Variants in RYR2 observed in about 807,000 individuals in gnomAD.
RYR2 encodes the protein ryanodine receptor 2.
RYR2 carries 227 observed loss-of-function variants against 601.1 expected under a neutral mutation model. The observed-to-expected ratio is 0.38, with a 90% CI of 0.34 to 0.42. The LOEUF is 0.42. Among genes scored for constraint, RYR2 ranks in the 10% least tolerant of loss-of-function variants. The pLI is 1.00. For synonymous variants in RYR2, 2,223 were observed against 2,175.1 expected, an observed-to-expected ratio of 1.02 and a Z score of -0.61; for missense variants, 4,646 against 6,156.5, an observed-to-expected ratio of 0.75 and a Z score of 8.21.
chr1:237,566,974 A>ACATTGCTT (rs1486292063), intron 28 of RYR2, among the ~76,000 whole-genome samples, 199 bp downstream of exon 28: 4 of 152,198 alleles, frequency 2.6e-5, no homozygotes, highest in Non-Finnish European at 5.9e-5. Flanking sequence ...ACCAAGTAAG[A>ACATTGCTT]CATTGCTTTT....
At chr1:237,240,958 TCA>T (rs1686100342) in intron 1 of RYR2, among the ~76,000 whole-genome samples, 1 of 152,218 alleles carries the variant, frequency 6.6e-6, no homozygotes, top group African/African-American at 2.4e-5. Flanking sequence ...CAAAGAACAT[TCA>T]CAGGTAACAT....
At chr1:237,686,965 A>G (rs1686447780) in intron 62 of RYR2, among the ~76,000 whole-genome samples, 1 of 152,214 alleles carries the variant, frequency 6.6e-6, no homozygotes, top group African/African-American at 2.4e-5. Flanking sequence ...GAGATTTCAA[A>G]TAATAAAACA....
intron 16 of RYR2, among the ~76,000 whole-genome samples, chr1:237,460,439 T>G (rs1659347810): frequency 6.6e-6 from 1 of 152,180 alleles, no homozygotes; most frequent in Non-Finnish European, 1.5e-5. Context: ...ATGAATGTTA[T>G]AGAGGATGGT....
chr1:237,579,507 G>A (rs1209006914), intron 29 of RYR2, among the ~76,000 whole-genome samples: 4 of 151,816 alleles, frequency 2.6e-5, no homozygotes, highest in East Asian at 1.9e-4. Context: ...CACCTGCCTC[G>A]GCCTCCCAAA....
intron 16 of RYR2, among the ~76,000 whole-genome samples, chr1:237,466,233 A>G (rs1660074299): frequency 6.6e-6 from 1 of 152,144 alleles, no homozygotes; most frequent in South Asian, 2.1e-4. Context: ...TGGTGATATC[A>G]TGGCTCATGG....
At chr1:237,182,615 G>A (rs574905167) in intron 1 of RYR2, among the ~76,000 whole-genome samples, 1 of 152,216 alleles carries the variant, frequency 6.6e-6, no homozygotes, top group Admixed American at 6.5e-5. Context: ...ACTATATATT[G>A]TCTTTGGTGA....
At chr1:237,127,390 C>T (rs1336766328) in intron 1 of RYR2, among the ~76,000 whole-genome samples, 16 of 150,690 alleles carry the variant, frequency 1.1e-4, no homozygotes, top group Middle Eastern at 3.5e-3. Context: ...ACCTCCCGGA[C>T]GGGGCGGCTG....
At chr1:237,160,848 A>C (rs1307332109) in intron 1 of RYR2, among the ~76,000 whole-genome samples, 1 of 152,128 alleles carries the variant, frequency 6.6e-6, no homozygotes, top group East Asian at 1.9e-4. Context: ...CTTCACTCTA[A>C]ATCATTATAA....
chr1:237,696,585 G>A (rs933071263), intron 63 of RYR2, among the ~76,000 whole-genome samples: 14 of 142,880 alleles, frequency 9.8e-5, no homozygotes, highest in Non-Finnish European at 1.8e-4. Flanking sequence ...ATCTTTACCC[G>A]AATTACTAAT....
chr1:237,186,859 G>A (rs1200939015), intron 1 of RYR2, among the ~76,000 whole-genome samples: 1 of 152,246 alleles, frequency 6.6e-6, no homozygotes, highest in Non-Finnish European at 1.5e-5. Context: ...TCAAATAGCT[G>A]CAGAGCTGAT....
chr1:237,565,159 CTTTCTTTCTTTCTTTCTT>C (rs1559035462), intron 27 of RYR2, among the ~76,000 whole-genome samples: 1 of 46,494 alleles, frequency 2.2e-5, no homozygotes, highest in Non-Finnish European at 4.3e-5. Context: ...CTTTCTTTCT[CTTTCTTTCTTTCTTTCTT>C]TCTTTCTTTC....
At chr1:237,671,792 A>C (rs1684969654) in intron 58 of RYR2, among the ~76,000 whole-genome samples, 1 of 152,024 alleles carries the variant, frequency 6.6e-6, no homozygotes, top group Non-Finnish European at 1.5e-5. Context: ...GAGTTAATAG[A>C]AATAAAGGAG....
intron 1 of RYR2, among the ~76,000 whole-genome samples, chr1:237,230,086 T>C (rs1042405287): frequency 3.3e-5 from 5 of 152,204 alleles, no homozygotes; most frequent in African/African-American, 1.2e-4. Context: ...GTGGAAATAG[T>C]ACGTTACCCT....
intron 25 of RYR2, among the ~76,000 whole-genome samples, chr1:237,536,844 C>CCACTG (rs1398136022): frequency 2.6e-5 from 4 of 151,672 alleles, no homozygotes; most frequent in African/African-American, 4.9e-5. Flanking sequence ...CGAGATCGCG[C>CCACTG]CACTGCACTC....
rs942672158 is a variant in RYR2, at chr1:237,833,612, C to T, written c.*965C>T. ...AAGTGTCGTGGGCTTAATTGTATAT[C>T]TGGAGCCAGTGTCATCCACCAACAA... On this transcript the variant is annotated 3_prime_UTR_variant, in exon 105 of 105. Transcript: ENST00000366574. The T allele has an allele frequency of 3.3e-5, 5 of 152,566 alleles. No individual in the cohort carries two copies. Among genetic ancestry groups the T allele is most frequent in the Non-Finnish European group, 5.9e-5 (4 of 68,032 alleles). 9.5% of individuals were successfully genotyped at this position (152,566 alleles called of 1,614,324 possible).
chr1:237,707,672 G>A (rs952127813), intron 68 of RYR2, among the ~76,000 whole-genome samples: 2 of 152,188 alleles, frequency 1.3e-5, no homozygotes, highest in Admixed American at 6.5e-5. Flanking sequence ...TGCATTATTT[G>A]TATTGAAAAG....
At chr1:237,398,085 A>G (rs959632957) in intron 10 of RYR2, among the ~76,000 whole-genome samples, 2 of 152,052 alleles carry the variant, frequency 1.3e-5, no homozygotes, top group Admixed American at 6.6e-5. Flanking sequence ...CTATTTTAAC[A>G]TGAATGCCGG....
chr1:237,449,458 T>C (rs889472357), intron 14 of RYR2, among the ~76,000 whole-genome samples: 2 of 152,196 alleles, frequency 1.3e-5, no homozygotes, highest in Admixed American at 6.5e-5. Flanking sequence ...CATTTATAGA[T>C]GTTATTAATT....
In RYR2 at chr1:237,264,091, G is replaced by GCGCA. The variant is rs1553370915; in HGVS notation, c.49-6405_49-6404insGCAC. 3.4e-5 allele frequency among the ~76,000 whole-genome samples: 5 copies of GCGCA among 147,512 alleles called. No homozygotes were observed. In the South Asian group the frequency reaches 1.1e-3, roughly 32 times the overall value. Reference sequence around the variant, plus strand: ...TAAATGTACAAACACACATGCACATGCACACACACACACACACACACACAC... The same window carrying GCGCA: ...TAAATGTACAAACACACATGCACATGCGCACACACACACACACACACACACACAC... On this transcript the variant is annotated intron_variant, in intron 1 of 104. Coordinates refer to ENST00000366574, the MANE Select transcript of RYR2 (RefSeq NM_001035.3).
Sources: allele counts gnomAD v4.1 joint callset (sites outside exome capture counted in the v4.1 genomes callset), GRCh38; gene constraint gnomAD v4.1.1; transcripts MANE v1.5; gene names NCBI Gene and HGNC (gene_info 2026-07-23, HGNC 2026-07-21).